FER1L6: variants seen among roughly 807,000 people sequenced by gnomAD.
The protein encoded by FER1L6 is fer-1-like protein 6.
In FER1L6, 177 loss-of-function variants were observed where a neutral mutation model predicts 219.2. The ratio of observed to expected loss-of-function variants is 0.81; its 90% CI spans 0.71 to 0.91. FER1L6 has a LOEUF of 0.91. FER1L6 is among the 40% of genes least tolerant of loss of function. FER1L6 has a pLI of 0.00. For synonymous variants in FER1L6, 768 were observed against 824.3 expected (o/e 0.93, Z 1.17); for missense variants, 2,153 against 2,259.9 (o/e 0.95, Z 0.96).
chr8:123,944,584 G>A (rs1402852604), intron 1 of FER1L6, among the ~76,000 whole-genome samples: 1 of 151,938 alleles, frequency 6.6e-6, no homozygotes, highest in African/African-American at 2.4e-5. Flanking sequence ...ACACATACAC[G>A]TACACACACT....
At chr8:124,021,743 T>A in intron 17 of FER1L6, 74 bp downstream of exon 17, 1 of 1,554,558 alleles carries the variant, frequency 6.4e-7, no homozygotes, top group Non-Finnish European at 8.8e-7. Context: ...GAATGGTTGG[T>A]ACGGGTGAAA....
At chr8:123,876,941 C>A (rs1817013925) in intron 1 of FER1L6, among the ~76,000 whole-genome samples, 1 of 152,206 alleles carries the variant, frequency 6.6e-6, no homozygotes, top group Non-Finnish European at 1.5e-5. Flanking sequence ...GCTTACCTAA[C>A]CCCATACCTG....
At chr8:124,014,953 T>C (rs998653179) in intron 15 of FER1L6, among the ~76,000 whole-genome samples, 1 of 152,170 alleles carries the variant, frequency 6.6e-6, no homozygotes, top group Non-Finnish European at 1.5e-5. Flanking sequence ...ACTTCCAAGA[T>C]CACTCACGTG....
chr8:124,029,713 T>C (rs1357673762), intron 18 of FER1L6, among the ~76,000 whole-genome samples: 1 of 152,228 alleles, frequency 6.6e-6, no homozygotes, highest in Non-Finnish European at 1.5e-5. Context: ...ATTCTGTAGA[T>C]TGCCTGTTTG....
chr8:124,043,906 C>T (rs534487053), intron 20 of FER1L6, among the ~76,000 whole-genome samples: 4 of 152,346 alleles, frequency 2.6e-5, no homozygotes, highest in African/African-American at 7.2e-5. Flanking sequence ...GGTCGATACG[C>T]ACTTATTCAT....
rs369965790 is a variant in FER1L6 at position 124,061,944 on chromosome 8, C to T, written c.3240C>T (p.Tyr1080=). The change falls in exon 25 of 41, where the codon TAC becomes TAT. Residue 1080 remains tyrosine (Y), a synonymous_variant. Coordinates refer to ENST00000522917, the MANE Select transcript of FER1L6 (RefSeq NM_001039112.2). ...GGAGGAGTACCCTTGTGGGCACCTA[C>T]ACCATCAACTACTTGAAGCAGTTTT... The part of the protein sequence containing the change: ...AFGRSTLVGT[Y]TINYLKQFLC... 6.2e-6 allele frequency: 10 copies of T among 1,614,076 alleles called. No individual in the cohort carries two copies. The African/African-American group carries it at 6.7e-5, about 11-fold the overall frequency.
intron 12 of FER1L6, among the ~76,000 whole-genome samples, chr8:124,000,510 T>C (rs575420889): frequency 6.6e-6 from 1 of 152,330 alleles, no homozygotes; most frequent in African/African-American, 2.4e-5. Context: ...AGACTGTAGG[T>C]TTAGATTCAG....
rs553673077 is a variant in FER1L6 at position 124,097,476 on chromosome 8, C to T, written c.4784+117C>T. On this transcript the variant is annotated intron_variant, in intron 36 of 40. Transcript: ENST00000522917. ...TGATCATCATACCTCACTATCCACC[C>T]GGCCAGTTTTTCAGGAGCTGGTGGT... 7.8e-5 allele frequency: 59 copies of T among 759,542 alleles called. No individual in the cohort carries two copies. The Admixed American group carries it at 9.9e-4, about 13-fold the overall frequency. 47.1% of individuals were successfully genotyped at this position (759,542 alleles called of 1,614,324 possible).
chr8:124,016,765 G>GA (rs1818221873), intron 15 of FER1L6, among the ~76,000 whole-genome samples: 1 of 152,148 alleles, frequency 6.6e-6, no homozygotes, highest in East Asian at 1.9e-4. Context: ...AGTCCCTAAT[G>GA]ACATTTAAGT....
intron 1 of FER1L6, among the ~76,000 whole-genome samples, chr8:123,860,571 G>A (rs948070894): frequency 9.4e-6 from 1 of 106,438 alleles, no homozygotes; most frequent in African/African-American, 4.2e-5. Flanking sequence ...CTTCCACAAT[G>A]GTTGAACTAG....
At chr8:124,007,812 G>T (rs1817734958) in intron 13 of FER1L6, among the ~76,000 whole-genome samples, 1 of 152,210 alleles carries the variant, frequency 6.6e-6, no homozygotes, top group Admixed American at 6.5e-5. Flanking sequence ...GTGGTTAGAT[G>T]AGCAAGCCAT....
chr8:123,899,761 C>T (rs1375117782), intron 1 of FER1L6, among the ~76,000 whole-genome samples: 2 of 152,090 alleles, frequency 1.3e-5, no homozygotes, highest in Non-Finnish European at 2.9e-5. Flanking sequence ...AAAAAAGTGT[C>T]CTTTCTCCAC....
Position 124,039,971 on chromosome 8 carries a change from A to G in FER1L6, c.2554A>G (p.Lys852Glu). The change falls in exon 20 of 41, where the codon AAA (lysine) becomes GAA (glutamate). Residue 852 changes from lysine to glutamate, a missense_variant. Lys to Glu is a moderately conservative substitution (Grantham distance 56). Coordinates refer to ENST00000522917, the MANE Select transcript of FER1L6 (RefSeq NM_001039112.2). ...CAATGGACTTTCAGACCCTTTTGCC[A>G]AAGTCACGTTCCTTTCTCACTGCCA... ...DSNGLSDPFA[K>E]VTFLSHCQTT... The G allele has an allele frequency of 1.2e-6, 2 of 1,614,072 alleles. No individual in the cohort carries two copies. The highest frequency in any genetic ancestry group is 1.7e-6 in the Non-Finnish European group (2 of 1,179,998).
chr8:123,888,806 G>A (rs551178824), intron 1 of FER1L6, among the ~76,000 whole-genome samples: 25 of 152,306 alleles, frequency 1.6e-4, no homozygotes, highest in African/African-American at 5.8e-4. Context: ...TTGTGTGAGT[G>A]TGTGTATATA....
chr8:123,913,955 G>A (rs1276604772), intron 1 of FER1L6, among the ~76,000 whole-genome samples: 4 of 152,100 alleles, frequency 2.6e-5, no homozygotes, highest in Admixed American at 6.5e-5. Context: ...TACATCTTCT[G>A]TATTAGAAAT....
chr8:123,975,428 C>T (rs767799558), intron 8 of FER1L6, 122 bp downstream of exon 8: 6 of 911,724 alleles, frequency 6.6e-6, no homozygotes, highest in Non-Finnish European at 9.8e-6. Flanking sequence ...GCTTGGTCAC[C>T]TGGCATTCTG....
intron 11 of FER1L6, 88 bp from the exon 12 acceptor site, chr8:123,985,980 T>G: frequency 9.5e-6 from 7 of 733,928 alleles, no homozygotes; most frequent in African/African-American, 1.8e-5. Context: ...GTTTATAAAT[T>G]ATGCTGGATG....
intron 1 of FER1L6, among the ~76,000 whole-genome samples, chr8:123,907,378 C>T (rs1812972980): frequency 6.6e-6 from 1 of 152,220 alleles, no homozygotes; most frequent in South Asian, 2.1e-4. Context: ...TATCACCACC[C>T]TCCATTATGG....
At chr8:123,890,460 G>A (rs749079271) in intron 1 of FER1L6, among the ~76,000 whole-genome samples, 4 of 151,450 alleles carry the variant, frequency 2.6e-5, no homozygotes, top group Admixed American at 1.3e-4. Context: ...AATAATTGAT[G>A]TTTTAAAGTT....
Sources: gnomAD v4.1 joint callset for allele counts (sites outside exome capture counted in the v4.1 genomes callset) on GRCh38, gnomAD v4.1.1 for gene constraint, MANE v1.5 for transcripts, NCBI Gene and HGNC (gene_info 2026-07-23, HGNC 2026-07-21) for gene names.